The following C12orf42 variants were observed in gnomAD, a reference collection of about 807,000 sequenced individuals.
C12orf42 encodes chromosome 12 open reading frame 42.
In C12orf42, 25 loss-of-function variants were observed where a neutral mutation model predicts 21.6. That is an observed-to-expected ratio of 1.16 (90% CI 0.84 to 1.62). C12orf42 has a LOEUF of 1.62. Among genes scored for constraint, C12orf42 ranks in the 40% most tolerant of loss-of-function variants. The probability of loss-of-function intolerance (pLI) is 0.00; values close to 1 mark genes in which losing one functional copy is unlikely to be tolerated. For synonymous variants in C12orf42, 174 were observed against 175.0 expected, an observed-to-expected ratio of 0.99 and a Z score of 0.05; for missense variants, 483 against 459.3, an observed-to-expected ratio of 1.05 and a Z score of -0.47.
intron 3 of C12orf42, among the ~76,000 whole-genome samples, chr12:103,381,509 C>A (rs1160345132): frequency 6.6e-6 from 1 of 152,146 alleles, no homozygotes; most frequent in Non-Finnish European, 1.5e-5. Flanking sequence ...ACAACAACAG[C>A]AATAATAAAT....
the C12orf42 span, among the ~76,000 whole-genome samples, chr12:103,546,663 T>C: frequency 1.3e-5 from 2 of 152,188 alleles, no homozygotes; most frequent in African/African-American, 4.8e-5. Context: ...TACTAAAACT[T>C]AATACTTTAT....
At chr12:103,333,756 A>G (rs867835700) in intron 4 of C12orf42, among the ~76,000 whole-genome samples, 20 of 152,198 alleles carry the variant, frequency 1.3e-4, no homozygotes, top group African/African-American at 4.8e-4. Flanking sequence ...TTTGGCCTGT[A>G]ATTCTTCAAT....
the C12orf42 span, among the ~76,000 whole-genome samples, chr12:103,188,265 A>G: frequency 6.6e-6 from 1 of 151,768 alleles, no homozygotes; most frequent in Non-Finnish European, 1.5e-5. Flanking sequence ...AATGTCTAAC[A>G]TGTTTCTTTC....
chr12:103,426,085 G>A (rs962734512), intron 2 of C12orf42, among the ~76,000 whole-genome samples: 1 of 152,202 alleles, frequency 6.6e-6, no homozygotes, highest in Non-Finnish European at 1.5e-5. Context: ...TGTCAGCAAG[G>A]GAACAAAACT....
At position 103,341,375 on chromosome 12, in the gene C12orf42, A is replaced by G. The variant is rs1038758946; in HGVS notation, c.259+27512T>C. Among the ~76,000 whole-genome samples the G allele has an allele frequency of 2.0e-5, 3 of 152,058 alleles. No individual in the cohort carries two copies. The East Asian group carries it at 5.8e-4, about 29-fold the overall frequency. On this transcript the variant is annotated intron_variant, in intron 4 of 5. Transcript: ENST00000548883. ...AGCAAAAACCCTCCTCCAAAATTAAAAATATTAATAAGAATATCAAGAAGT... is the reference window on the plus strand; with the variant it reads ...AGCAAAAACCCTCCTCCAAAATTAAGAATATTAATAAGAATATCAAGAAGT...
At chr12:103,410,401 A>G (rs1489638284) in intron 2 of C12orf42, among the ~76,000 whole-genome samples, 1 of 152,230 alleles carries the variant, frequency 6.6e-6, no homozygotes, top group Non-Finnish European at 1.5e-5. Flanking sequence ...CTGTGAGTCA[A>G]GACCCTTGTG....
the C12orf42 span, among the ~76,000 whole-genome samples, chr12:103,541,467 C>T: frequency 3.9e-5 from 6 of 152,132 alleles, no homozygotes. Flanking sequence ...TGTCACAGTG[C>T]AACTCATTAT....
At chr12:103,162,076 A>C in the C12orf42 span, among the ~76,000 whole-genome samples, 8 of 152,068 alleles carry the variant, frequency 5.3e-5, no homozygotes, top group Non-Finnish European at 7.3e-5. Flanking sequence ...AGTAGGGTTT[A>C]TTGCTCTTCC....
At chr12:103,408,836 G>A (rs1246983019) in intron 2 of C12orf42, among the ~76,000 whole-genome samples, 1 of 152,110 alleles carries the variant, frequency 6.6e-6, no homozygotes, top group Non-Finnish European at 1.5e-5. Context: ...TGCATCTGCT[G>A]GTAACTCTTC....
chr12:103,339,161 G>A (rs2041963805), intron 4 of C12orf42, among the ~76,000 whole-genome samples: 1 of 152,166 alleles, frequency 6.6e-6, no homozygotes, highest in Non-Finnish European at 1.5e-5. Context: ...TCAAAGGCAG[G>A]ATGACATATT....
At chr12:103,434,643 C>A (rs369720456) in intron 2 of C12orf42, among the ~76,000 whole-genome samples, 2 of 152,098 alleles carry the variant, frequency 1.3e-5, no homozygotes, top group African/African-American at 4.8e-5. Flanking sequence ...GGGTGACTGA[C>A]GCACCTGGAA....
intron 2 of C12orf42, among the ~76,000 whole-genome samples, chr12:103,424,539 C>A (rs10745967): frequency 6.6e-6 from 1 of 151,958 alleles, no homozygotes; most frequent in Non-Finnish European, 1.5e-5. Context: ...GGAAGCAGGG[C>A]AGGGCAACAC....
intron 4 of C12orf42, among the ~76,000 whole-genome samples, chr12:103,335,081 C>A (rs763540355): frequency 6.6e-6 from 1 of 152,194 alleles, no homozygotes; most frequent in Non-Finnish European, 1.5e-5. Flanking sequence ...AGGCTGGAAT[C>A]CAATGGGAGA....
At chr12:103,232,178 G>T in the C12orf42 span, among the ~76,000 whole-genome samples, 1 of 152,144 alleles carries the variant, frequency 6.6e-6, no homozygotes. Context: ...TGAGTTTTAA[G>T]AATCTTTTCT....
At chr12:103,104,967 A>C in the C12orf42 span, among the ~76,000 whole-genome samples, 1 of 152,240 alleles carries the variant, frequency 6.6e-6, no homozygotes, top group Non-Finnish European at 1.5e-5. Context: ...TTCCCCATGA[A>C]GTATCAAAAC....
At chr12:103,203,487 C>T in the C12orf42 span, among the ~76,000 whole-genome samples, 6 of 152,110 alleles carry the variant, frequency 3.9e-5, no homozygotes, top group African/African-American at 7.2e-5. Flanking sequence ...GGATTTAAAG[C>T]TCATAATTAC....
the C12orf42 span, among the ~76,000 whole-genome samples, chr12:103,089,840 T>C: frequency 6.6e-6 from 1 of 152,104 alleles, no homozygotes. Flanking sequence ...GAATAAAATA[T>C]ATTAAAAAAC....
intron 5 of C12orf42, chr12:103,273,782 TG>T (rs1459606341): frequency 3.6e-5 from 16 of 445,436 alleles, no homozygotes. Context: ...GAGAAGCACT[TG>T]TCTTTTACCT....
At chr12:103,539,561 C>A in the C12orf42 span, among the ~76,000 whole-genome samples, 2 of 151,976 alleles carry the variant, frequency 1.3e-5, no homozygotes, top group East Asian at 3.9e-4. Flanking sequence ...TATGTACGTT[C>A]CTAAAATTGT....
Sources: allele counts gnomAD v4.1 joint callset (sites outside exome capture counted in the v4.1 genomes callset), GRCh38; gene constraint gnomAD v4.1.1; transcripts MANE v1.5; gene names NCBI Gene and HGNC (gene_info 2026-07-23, HGNC 2026-07-21).